FAT3: variants seen among roughly 807,000 people sequenced by gnomAD.
FAT3 encodes protocadherin Fat 3.
Under a neutral mutation model 310.2 loss-of-function variants are expected in FAT3, and 95 were observed. That is an observed-to-expected ratio of 0.31 (90% CI 0.26 to 0.36). The LOEUF is 0.36. Among genes scored for constraint, FAT3 ranks in the 10% least tolerant of loss-of-function variants. The probability of loss-of-function intolerance (pLI) is 1.00; values close to 1 mark genes in which losing one functional copy is unlikely to be tolerated. For synonymous variants in FAT3, 2,314 were observed against 2,192.9 expected, an observed-to-expected ratio of 1.06 and a Z score of -1.54; for missense variants, 5,408 against 5,715.6, an observed-to-expected ratio of 0.95 and a Z score of 1.74.
rs756001256 is a variant in FAT3, at chr11:92,353,124, C to T, written c.1012C>T (p.Pro338Ser). The T allele has an allele frequency of 1.2e-6, 2 of 1,613,490 alleles. No homozygotes were observed. The highest frequency in any genetic ancestry group is 4.5e-5 in the East Asian group (2 of 44,862). ...ERKQIDWESF[P>S]YGYNLTLQAK... Reference sequence around the variant, plus strand: ...GAAGCAGATTGACTGGGAGAGCTTTCCCTATGGCTACAATCTCACTCTTCA... The same window carrying T: ...GAAGCAGATTGACTGGGAGAGCTTTTCCTATGGCTACAATCTCACTCTTCA... Residue 338 changes from proline (P) to serine (S), a missense_variant, in exon 2 of 28, where the codon CCC becomes TCC. Pro to Ser is a moderately conservative substitution (Grantham distance 74). Coordinates refer to ENST00000525166, the MANE Select transcript of FAT3 (RefSeq NM_001367949.2).
chr11:92,364,012 G>T (rs745812136), intron 2 of FAT3, among the ~76,000 whole-genome samples: 1 of 151,890 alleles, frequency 6.6e-6, no homozygotes, highest in Non-Finnish European at 1.5e-5. Flanking sequence ...GGCAATTTAG[G>T]TTTTAATAGA....
At chr11:92,229,759 T>G (rs1229182508) in intron 1 of FAT3, among the ~76,000 whole-genome samples, 1 of 151,520 alleles carries the variant, frequency 6.6e-6, no homozygotes, top group Non-Finnish European at 1.5e-5. Flanking sequence ...CAGGTTAGTC[T>G]TAATTTTAGC....
At chr11:92,813,930 A>G (rs1947750449) in intron 13 of FAT3, among the ~76,000 whole-genome samples, 1 of 152,226 alleles carries the variant, frequency 6.6e-6, no homozygotes, top group Non-Finnish European at 1.5e-5. Flanking sequence ...TCATGTGTCC[A>G]TATTAAGAGA....
chr11:92,276,384 TTGCTTCCCCCATCTTCA>T lies in FAT3; in HGVS notation c.-18+51213_-18+51229del, dbSNP rs1217978296. ...GAGGTGGAAAGTTGAAAATATTCAC[TTGCTTCCCCCATCTTCA>T]TGGGAGGAGTATATTTACTCACGCC... On this transcript the variant is annotated intron_variant, in intron 1 of 27. Transcript: ENST00000525166. Among the ~76,000 whole-genome samples, 3 of 152,224 alleles carry T rather than the reference TTGCTTCCCCCATCTTCA, an allele frequency of 2.0e-5. No individual in the cohort carries two copies. The East Asian group carries it at 5.8e-4, about 30-fold the overall frequency.
chr11:92,887,146 G>C (rs756084303), intron 25 of FAT3, 33 bp downstream of exon 25: 1 of 1,560,356 alleles, frequency 6.4e-7, no homozygotes, highest in Non-Finnish European at 8.7e-7. Flanking sequence ...CGGAGCGGGT[G>C]GGTTCTGCTT....
intron 4 of FAT3, among the ~76,000 whole-genome samples, chr11:92,742,653 T>A (rs1464286979): frequency 6.6e-6 from 1 of 152,218 alleles, no homozygotes; most frequent in Non-Finnish European, 1.5e-5. Context: ...CTTCTTCCTC[T>A]CTTGCTTTTG....
intron 2 of FAT3, among the ~76,000 whole-genome samples, chr11:92,434,936 A>G (rs1310271114): frequency 6.6e-6 from 1 of 152,202 alleles, no homozygotes; most frequent in African/African-American, 2.4e-5. Flanking sequence ...TGGGAATGGA[A>G]CCACGTTCAG....
At chr11:92,470,019 T>C (rs1951866953) in intron 2 of FAT3, among the ~76,000 whole-genome samples, 1 of 152,162 alleles carries the variant, frequency 6.6e-6, no homozygotes, top group Non-Finnish European at 1.5e-5. Context: ...TTCCCATGAT[T>C]AATATTTTCA....
rs746557008 is a variant in FAT3, at chr11:92,837,807, G to A, written c.10368+1G>A. 1 of 1,613,934 alleles carries A rather than the reference G, an allele frequency of 6.2e-7. No individual in the cohort carries two copies. Among genetic ancestry groups the A allele is most frequent in the South Asian group, 1.1e-5 (1 of 91,070 alleles). Reference sequence around the variant, plus strand: ...TGCCAACTATACTGCTGTGATTCAGGTGAGAAAATCTTGCCTGCCAAGCAC... The same window carrying A: ...TGCCAACTATACTGCTGTGATTCAGATGAGAAAATCTTGCCTGCCAAGCAC... On this transcript the variant is annotated splice_donor_variant, in intron 17 of 27. Transcript: ENST00000525166. LOFTEE classifies it high-confidence loss of function.
chr11:92,412,752 CAT>C (rs60426391), intron 2 of FAT3, among the ~76,000 whole-genome samples: 2,519 of 24,108 alleles, frequency 0.1, 504 homozygotes, highest in African/African-American at 0.24. Context: ...TATAAATATA[CAT>C]ACATATATAT....
intron 4 of FAT3, among the ~76,000 whole-genome samples, chr11:92,736,122 C>A (rs1433687644): frequency 6.6e-6 from 1 of 152,114 alleles, no homozygotes; most frequent in Non-Finnish European, 1.5e-5. Flanking sequence ...AGCTTCTGCA[C>A]AGTTCCTAGT....
At chr11:92,331,009 A>T (rs112022985) in intron 1 of FAT3, among the ~76,000 whole-genome samples, 16,230 of 108,428 alleles carry the variant, frequency 0.15, 929 homozygotes, top group African/African-American at 0.4. Flanking sequence ...TGTGTGAGAG[A>T]GAGAGAGAGA....
chr11:92,524,625 TTG>T lies in FAT3; in HGVS notation c.3293-7_3293-6del. On this transcript the variant is annotated splice_region_variant and splice_polypyrimidine_tract_variant and intron_variant, in intron 2 of 27. Transcript: ENST00000525166. ...TCTGTGACAGTAACACTTCTCTTTT[TTG>T]TCTCAGGGGTCATCACTGCCGCAGA... is the stretch of plus-strand genomic sequence containing the variant. 6.2e-7 allele frequency: 1 copy of T among 1,605,978 alleles called. No homozygotes were observed. The highest frequency in any genetic ancestry group is 8.5e-7 in the Non-Finnish European group (1 of 1,174,074).
intron 1 of FAT3, among the ~76,000 whole-genome samples, chr11:92,244,635 T>C (rs1328558167): frequency 6.6e-6 from 1 of 152,100 alleles, no homozygotes; most frequent in African/African-American, 2.4e-5. Context: ...TTCTCAAACT[T>C]TAATGAGCAT....
Position 92,882,761 on chromosome 11 carries a change from G to A in FAT3, c.12305G>A (p.Cys4102Tyr), listed in dbSNP as rs2136407819. The A allele has an allele frequency of 6.2e-7, 1 of 1,609,118 alleles. No homozygotes were observed. The highest frequency in any genetic ancestry group is 8.5e-7 in the Non-Finnish European group (1 of 1,177,656). Residue 4102 changes from cysteine (C) to tyrosine (Y), a missense_variant, in exon 24 of 28, where the codon TGC becomes TAC. Cys to Tyr is a radical substitution (Grantham distance 194). Transcript: ENST00000525166. ...GVTCEEDINECEREECENGGS... is the reference protein window; with the variant it reads ...GVTCEEDINEYEREECENGGS... ...AGGTGTGAGGAGGACATCAATGAGT[G>A]CGAACGAGAGGAGTGTGAGAACGGA...
At chr11:92,528,054 C>G (rs1401600125) in intron 3 of FAT3, among the ~76,000 whole-genome samples, 1 of 152,164 alleles carries the variant, frequency 6.6e-6, no homozygotes, top group Non-Finnish European at 1.5e-5. Flanking sequence ...GCAAATAATG[C>G]CAAGATGTAT....
intron 2 of FAT3, among the ~76,000 whole-genome samples, chr11:92,496,039 C>A (rs1285479390): frequency 6.6e-6 from 1 of 152,040 alleles, no homozygotes; most frequent in African/African-American, 2.4e-5. Flanking sequence ...AACCAATTTT[C>A]AGTGTGTAAA....
Position 92,874,278 on chromosome 11 carries a change from A to T in FAT3, c.12128-6453A>T, listed in dbSNP as rs1040742612. Among the ~76,000 whole-genome samples the T allele has an allele frequency of 2.0e-5, 3 of 152,378 alleles. No individual in the cohort carries two copies. In the South Asian group the frequency reaches 6.2e-4, roughly 32 times the overall value. ...CACTTTATTTGTGTTTTATAACAAC[A>T]TATGGTAATGCTTGGGAAGAGTAGA... is the stretch of plus-strand genomic sequence containing the variant. On this transcript the variant is annotated intron_variant, in intron 22 of 27. Coordinates refer to ENST00000525166, the MANE Select transcript of FAT3 (RefSeq NM_001367949.2).
At chr11:92,609,906 T>A (rs1311786298) in intron 3 of FAT3, among the ~76,000 whole-genome samples, 2 of 152,160 alleles carry the variant, frequency 1.3e-5, no homozygotes, top group Non-Finnish European at 2.9e-5. Context: ...TATTTTTTGT[T>A]AGTAAGTAAA....
Sources: allele counts gnomAD v4.1 joint callset (sites outside exome capture counted in the v4.1 genomes callset), GRCh38; gene constraint gnomAD v4.1.1; transcripts MANE v1.5; gene names NCBI Gene and HGNC (gene_info 2026-07-23, HGNC 2026-07-21).